The following DRG1 variants were observed in gnomAD, a reference collection of about 807,000 sequenced individuals.
DRG1 encodes developmentally-regulated GTP-binding protein 1.
In DRG1, 19 loss-of-function variants were observed where a neutral mutation model predicts 38.8. The observed-to-expected ratio is 0.49, with a 90% CI of 0.34 to 0.72. The LOEUF is 0.72. DRG1 is among the 30% of genes least tolerant of loss of function. DRG1 has a pLI of 0.01. For missense variants in DRG1, 299 were observed against 444.8 expected (o/e 0.67, Z 2.95); for synonymous variants, 167 against 157.5 (o/e 1.06, Z -0.45).
At chr22:31,413,948 C>T (rs1482499469) in intron 4 of DRG1, among the ~76,000 whole-genome samples, 1 of 152,002 alleles carries the variant, frequency 6.6e-6, no homozygotes, top group Non-Finnish European at 1.5e-5. Flanking sequence ...ACACATATGA[C>T]TTCCCTGTTG....
chr22:31,405,992 C>CT lies in DRG1; in HGVS notation c.342+2794dup, dbSNP rs1210097658. On this transcript the variant is annotated intron_variant, in intron 3 of 8. Transcript: ENST00000331457. ...CGTGAGCCACCATGCCTGGCCGTTT[C>CT]TTTTTTCTTTTTTCTTTTTTTTTTT... Among the ~76,000 whole-genome samples, 3 of 148,272 alleles carry CT rather than the reference C, an allele frequency of 2.0e-5. No individual in the cohort carries two copies. The South Asian group carries it at 6.6e-4, about 33-fold the overall frequency.
chr22:31,434,399 T>C lies in DRG1; in HGVS notation c.*428T>C. 5.6e-6 allele frequency: 1 copy of C among 180,076 alleles called. No homozygotes were observed. The highest frequency in any genetic ancestry group is 1.2e-5 in the Non-Finnish European group (1 of 86,198). The allele number at this position is 180,076 out of a possible 1,614,324, so 11.2% of individuals were successfully genotyped here. ...GTCCTTTCAAGTAGTCTTTCCCACA[T>C]GATACTGGAGAGAGGAAGGACTTTA... On this transcript the variant is annotated 3_prime_UTR_variant, in exon 9 of 9. Coordinates refer to ENST00000331457, the MANE Select transcript of DRG1 (RefSeq NM_004147.4).
intron 4 of DRG1, among the ~76,000 whole-genome samples, chr22:31,415,562 A>T (rs2050039958): frequency 6.6e-6 from 1 of 152,188 alleles, no homozygotes; most frequent in Non-Finnish European, 1.5e-5. Flanking sequence ...GGGTTTCACC[A>T]TGTTGGCCAG....
At position 31,425,481 on chromosome 22, in the gene DRG1, C is replaced by T. The variant is rs371281515; in HGVS notation, c.714-1134C>T. On this transcript the variant is annotated intron_variant, in intron 6 of 8. Transcript: ENST00000331457. Reference sequence around the variant, plus strand: ...TTGAGACAGAGTCATGCTCTTGTCGCCCAGGCTGTAGTGCAGTGGTGTGAT... The same window carrying T: ...TTGAGACAGAGTCATGCTCTTGTCGTCCAGGCTGTAGTGCAGTGGTGTGAT... Among the ~76,000 whole-genome samples the T allele has an allele frequency of 3.2e-4, 48 of 151,200 alleles. No homozygotes were observed. The East Asian group carries it at 8.0e-3, about 25-fold the overall frequency.
In DRG1 at chr22:31,403,061, A is replaced by T. The variant is rs755599886; in HGVS notation, c.199A>T (p.Ile67Phe). 6.2e-7 allele frequency: 1 copy of T among 1,613,286 alleles called. No individual in the cohort carries two copies. The highest frequency in any genetic ancestry group is 8.5e-7 in the Non-Finnish European group (1 of 1,179,964). The change falls in exon 3 of 9, where the codon ATT (isoleucine) becomes TTT (phenylalanine). Residue 67 changes from isoleucine (I) to phenylalanine (F), a missense_variant. By Grantham distance (21) the Ile-to-Phe change is conservative (BLOSUM62 0). Coordinates refer to ENST00000331457, the MANE Select transcript of DRG1 (RefSeq NM_004147.4). ...FDVAKTGDARIGFVGFPSVGK... is the reference protein window; with the variant it reads ...FDVAKTGDARFGFVGFPSVGK... ...TGTGGCCAAGACAGGTGATGCTCGA[A>T]TTGGATTTGTTGGTTTTCCATCTGT... is the stretch of plus-strand genomic sequence containing the variant.
chr22:31,419,086 A>T (rs2050061000), intron 4 of DRG1, among the ~76,000 whole-genome samples: 3 of 152,052 alleles, frequency 2.0e-5, no homozygotes, highest in Non-Finnish European at 1.5e-5. Flanking sequence ...AAGTGCTGGG[A>T]TTATAGGTAT....
At chr22:31,404,028 G>A (rs1348877819) in intron 3 of DRG1, among the ~76,000 whole-genome samples, 3 of 134,194 alleles carry the variant, frequency 2.2e-5, no homozygotes, top group Non-Finnish European at 3.1e-5. Flanking sequence ...ACCTCTCTCA[G>A]GACTTTTGAG....
At chr22:31,428,273 G>A (rs5753613) in intron 8 of DRG1, among the ~76,000 whole-genome samples, 34,356 of 151,508 alleles carry the variant, frequency 0.23, 5,009 homozygotes, top group East Asian at 0.46. Flanking sequence ...GTGCAGTGGC[G>A]CAATCTTGGC....
chr22:31,411,532 T>C (rs1177877285), intron 4 of DRG1, among the ~76,000 whole-genome samples: 1 of 143,276 alleles, frequency 7.0e-6, no homozygotes, highest in Non-Finnish European at 1.6e-5. Context: ...TGTCTTTTCT[T>C]TTTTTTTTTT....
intron 2 of DRG1, among the ~76,000 whole-genome samples, chr22:31,401,087 G>A (rs560000199): frequency 6.6e-6 from 1 of 152,172 alleles, no homozygotes; most frequent in South Asian, 2.1e-4. Context: ...TTGTCTAAGT[G>A]TACTGTAGTT....
Position 31,427,056 on chromosome 22 carries a change from C to A in DRG1, c.882-4C>A, listed in dbSNP as rs569718179. ...CAGTAATCTTTATGCCCTCTCTATT[C>A]TAGTTACACCAAACCCAAAGGCCAG... On this transcript the variant is annotated splice_polypyrimidine_tract_variant and splice_region_variant and intron_variant, in intron 7 of 8. Transcript: ENST00000331457. 1.2e-6 allele frequency: 2 copies of A among 1,613,750 alleles called. No individual in the cohort carries two copies. Among genetic ancestry groups the A allele is most frequent in the Non-Finnish European group, 1.7e-6 (2 of 1,179,884 alleles).
intron 4 of DRG1, among the ~76,000 whole-genome samples, chr22:31,412,658 T>C (rs2050024448): frequency 6.6e-6 from 1 of 151,968 alleles, no homozygotes; most frequent in Non-Finnish European, 1.5e-5. Flanking sequence ...CCTCTCTTTC[T>C]TTTCTTTGAT....
intron 3 of DRG1, 60 bp from the exon 4 acceptor site, chr22:31,410,952 A>G: frequency 6.5e-7 from 1 of 1,545,676 alleles, no homozygotes; most frequent in Non-Finnish European, 8.9e-7. Context: ...TCTGTTTGAT[A>G]TTTTCAAATT....
intron 8 of DRG1, among the ~76,000 whole-genome samples, chr22:31,428,942 C>T (rs1217920322): frequency 1.3e-5 from 2 of 152,094 alleles, no homozygotes; most frequent in Non-Finnish European, 2.9e-5. Context: ...TGTTGATATA[C>T]CTCACCGATG....
intron 3 of DRG1, among the ~76,000 whole-genome samples, chr22:31,408,804 G>A (rs1290082958): frequency 2.0e-5 from 3 of 149,868 alleles, no homozygotes; most frequent in African/African-American, 7.3e-5. Context: ...TTAATAAGCT[G>A]CATCTGTTTT....
chr22:31,410,879 T>A (rs958792768), intron 3 of DRG1, 133 bp from the exon 4 acceptor site: 2 of 829,364 alleles, frequency 2.4e-6, no homozygotes, highest in African/African-American at 3.5e-5. Flanking sequence ...ATTCACACAC[T>A]CGCTTATAAG....
chr22:31,408,752 C>CAA (rs66474618), intron 3 of DRG1, among the ~76,000 whole-genome samples: 1,976 of 110,910 alleles, frequency 0.018, 55 homozygotes, highest in East Asian at 0.071. Flanking sequence ...GACTCATTCT[C>CAA]AAAAAAAAAA....
intron 4 of DRG1, among the ~76,000 whole-genome samples, chr22:31,414,235 A>G (rs1476561775): frequency 6.6e-6 from 1 of 152,116 alleles, no homozygotes; most frequent in Non-Finnish European, 1.5e-5. Context: ...TCTATATTCT[A>G]ATGATTATGA....
At position 31,434,238 on chromosome 22, in the gene DRG1, G is replaced by A. The variant is rs981589467; in HGVS notation, c.*267G>A. 6 of 375,704 alleles carry A rather than the reference G, an allele frequency of 1.6e-5. No individual in the cohort carries two copies. The highest frequency in any genetic ancestry group is 3.0e-5 in the Non-Finnish European group (6 of 201,764). 23.3% of individuals were successfully genotyped at this position (375,704 alleles called of 1,614,324 possible). ...TTTGGGATGGGCTGAATGAGGAAGG[G>A]TATATACGGTGAAGCAGCTACAGAA... On this transcript the variant is annotated 3_prime_UTR_variant, in exon 9 of 9. Coordinates refer to ENST00000331457, the MANE Select transcript of DRG1 (RefSeq NM_004147.4).
Sources: gnomAD v4.1 joint callset for allele counts (sites outside exome capture counted in the v4.1 genomes callset) on GRCh38, gnomAD v4.1.1 for gene constraint, MANE v1.5 for transcripts, NCBI Gene and HGNC (gene_info 2026-07-23, HGNC 2026-07-21) for gene names.